The following COL10A1 variants were observed in gnomAD, a reference collection of about 807,000 sequenced individuals.
The protein encoded by COL10A1 is collagen type X alpha 1 chain, also known as collagen alpha-1(X) chain.
In COL10A1, 10 loss-of-function variants were observed where a neutral mutation model predicts 18.2. The ratio of observed to expected loss-of-function variants is 0.55; its 90% confidence interval spans 0.34 to 0.93. The LOEUF (loss-of-function observed/expected upper bound fraction) is 0.93. Among genes scored for constraint, COL10A1 ranks in the 40% least tolerant of loss-of-function variants. The pLI is 0.02. For synonymous variants in COL10A1, 330 were observed against 316.6 expected (o/e 1.04, Z -0.45); for missense variants, 897 against 853.5 (o/e 1.05, Z -0.64).
At chr6:116,127,403 C>T (rs1416891045), upstream of COL10A1, among the ~76,000 whole-genome samples, 1 of 152,118 alleles carries the variant, frequency 6.6e-6, no homozygotes, top group Non-Finnish European at 1.5e-5. Context: ...AAAAAATTTA[C>T]ATTGTTGTAT....
intron 1 of COL10A1, among the ~76,000 whole-genome samples, chr6:116,136,673 A>G (rs539268657): frequency 6.6e-6 from 1 of 152,292 alleles, no homozygotes; most frequent in East Asian, 1.9e-4. Flanking sequence ...GGCAGTATCT[A>G]TCTTTCATAT....
the COL10A1 span, among the ~76,000 whole-genome samples, chr6:116,192,258 A>G: frequency 6.6e-6 from 1 of 152,044 alleles, no homozygotes; most frequent in Non-Finnish European, 1.5e-5. Flanking sequence ...GTGAGATAAT[A>G]TATGTGTTAT....
chr6:116,128,890 TTTTGTTA>T (rs1779391260), upstream of COL10A1, among the ~76,000 whole-genome samples: 1 of 152,184 alleles, frequency 6.6e-6, no homozygotes, highest in Non-Finnish European at 1.5e-5. Context: ...TTACATTGGT[TTTTGTTA>T]TTTGTGTTCA....
the COL10A1 span, among the ~76,000 whole-genome samples, chr6:116,185,050 G>C: frequency 2.0e-5 from 3 of 152,112 alleles, no homozygotes; most frequent in South Asian, 2.1e-4. Flanking sequence ...TGGAGGTTTT[G>C]ATAGGTTGTG....
At chr6:116,184,226 AT>A in the COL10A1 span, among the ~76,000 whole-genome samples, 52 of 152,194 alleles carry the variant, frequency 3.4e-4, no homozygotes, top group Non-Finnish European at 6.0e-4. Flanking sequence ...ATGTCAAACT[AT>A]CCCTGCGTCC....
At chr6:116,159,939 A>T (rs1213105009), upstream of COL10A1, among the ~76,000 whole-genome samples, 2 of 152,214 alleles carry the variant, frequency 1.3e-5, no homozygotes, top group African/African-American at 2.4e-5. Context: ...TGCAAAGGAC[A>T]CAATTTCATT....
upstream of COL10A1, among the ~76,000 whole-genome samples, chr6:116,126,881 T>C (rs982877757): frequency 3.9e-5 from 6 of 152,162 alleles, no homozygotes; most frequent in South Asian, 1.2e-3. Context: ...TAACTTGCAG[T>C]TAGGAATCAT....
Position 116,121,281 on chromosome 6 carries a change from C to G in COL10A1, c.835G>C (p.Gly279Arg). The change falls in exon 3 of 3, where the codon GGA becomes CGA. Residue 279 changes from glycine to arginine, a missense_variant. By Grantham distance (125) the Gly-to-Arg change is moderately radical (BLOSUM62 -2). Transcript: ENST00000651968. ...GGAGCCCCAGGGAGACCTTTTGTTC[C>G]TGGAATCCCTGGCTGGCCTGGGGCT... ...AGAPGQPGIP[G>R]TKGLPGAPGI... 3.7e-6 allele frequency: 6 copies of G among 1,614,026 alleles called. No individual in the cohort carries two copies. The highest frequency in any genetic ancestry group is 1.1e-5 in the South Asian group (1 of 91,064).
the COL10A1 span, among the ~76,000 whole-genome samples, chr6:116,203,547 A>C: frequency 6.6e-6 from 1 of 151,944 alleles, no homozygotes; most frequent in South Asian, 2.1e-4. Flanking sequence ...ATGTCACAGT[A>C]ATTCATTAAT....
chr6:116,157,315 C>A (rs144567712), intron 1 of COL10A1, among the ~76,000 whole-genome samples: 1 of 152,098 alleles, frequency 6.6e-6, no homozygotes, highest in African/African-American at 2.4e-5. Flanking sequence ...CAGTTGTCAA[C>A]GTAACTTGGT....
At chr6:116,173,192 T>A in the COL10A1 span, among the ~76,000 whole-genome samples, 2 of 152,170 alleles carry the variant, frequency 1.3e-5, no homozygotes, top group Non-Finnish European at 2.9e-5. Context: ...CCTGGCAGTG[T>A]TCATCTAAAG....
At chr6:116,174,917 T>TA in the COL10A1 span, among the ~76,000 whole-genome samples, 1 of 152,176 alleles carries the variant, frequency 6.6e-6, no homozygotes, top group African/African-American at 2.4e-5. Flanking sequence ...AAGATACATC[T>TA]AAAAAGTCAT....
At position 116,121,040 on chromosome 6, in the gene COL10A1, C is replaced by A. The variant is rs2114285215; in HGVS notation, c.1076G>T (p.Gly359Val). Residue 359 changes from glycine (G) to valine (V), a missense_variant, in exon 3 of 3, where the codon GGC (glycine) becomes GTC (valine). Coordinates refer to ENST00000651968, the MANE Select transcript of COL10A1 (RefSeq NM_000493.4). ...KGIPGSHGLP[G>V]PKGETGPAGP... is the part of the protein sequence containing the mutation. ...AGCTGGCCCTGTCTCACCTTTAGGGCCTGGGAGACCATGGCTACCCGGGAT... is the reference window on the plus strand; with the variant it reads ...AGCTGGCCCTGTCTCACCTTTAGGGACTGGGAGACCATGGCTACCCGGGAT... 1 of 1,614,076 alleles carries A rather than the reference C, an allele frequency of 6.2e-7. No individual in the cohort carries two copies. The highest frequency in any genetic ancestry group is 8.5e-7 in the Non-Finnish European group (1 of 1,179,950).
chr6:116,155,590 A>G (rs1226901637), intron 1 of COL10A1, among the ~76,000 whole-genome samples: 1 of 152,130 alleles, frequency 6.6e-6, no homozygotes, highest in East Asian at 1.9e-4. Context: ...GTATTTACCT[A>G]TCAGTATTCT....
chr6:116,201,654 C>T, the COL10A1 span, among the ~76,000 whole-genome samples: 1 of 151,904 alleles, frequency 6.6e-6, no homozygotes, highest in Non-Finnish European at 1.5e-5. Flanking sequence ...GTTTGACATC[C>T]CTTCCCACCC....
At chr6:116,124,974 A>G (rs978615272) in intron 2 of COL10A1, among the ~76,000 whole-genome samples, 4 of 152,176 alleles carry the variant, frequency 2.6e-5, no homozygotes, top group African/African-American at 9.7e-5. Context: ...CCTTCTTTAT[A>G]CAATTGGCAG....
chr6:116,169,078 G>A, the COL10A1 span, among the ~76,000 whole-genome samples: 15 of 152,274 alleles, frequency 9.9e-5, no homozygotes, highest in Non-Finnish European at 2.2e-4. Context: ...TGAAGATTGC[G>A]ACTTCTTAGG....
chr6:116,133,916 T>C lies in COL10A1; in HGVS notation c.-15-8409A>G, dbSNP rs183276238. On this transcript the variant is annotated intron_variant, in intron 1 of 1. Transcript: ENST00000418500. ...ATATACTATAGAGATATAATAACCA[T>C]TAATAGTGGTTTTTTTCCCCCAGTG... is the stretch of plus-strand genomic sequence containing the variant. 2.6e-3 allele frequency among the ~76,000 whole-genome samples: 395 copies of C among 152,304 alleles called. 10 individuals carry two copies. The South Asian group carries it at 0.043, about 17-fold the overall frequency.
At chr6:116,211,512 G>T in the COL10A1 span, among the ~76,000 whole-genome samples, 1 of 151,920 alleles carries the variant, frequency 6.6e-6, no homozygotes, top group South Asian at 2.1e-4. Flanking sequence ...TGTATTTTAT[G>T]TATGTTTTTA....
Sources: allele counts gnomAD v4.1 joint callset (sites outside exome capture counted in the v4.1 genomes callset), GRCh38; gene constraint gnomAD v4.1.1; transcripts MANE v1.5; gene names NCBI Gene and HGNC (gene_info 2026-07-23, HGNC 2026-07-21).